SGCD: variants seen among roughly 807,000 people sequenced by gnomAD.
The protein encoded by SGCD is delta-sarcoglycan.
Under a neutral mutation model 36.6 loss-of-function variants are expected in SGCD, and 18 were observed. The observed-to-expected ratio is 0.49, with a 90% confidence interval of 0.34 to 0.73. The LOEUF (loss-of-function observed/expected upper bound fraction) is 0.73. SGCD is among the 30% of genes least tolerant of loss of function. The probability of loss-of-function intolerance (pLI) is 0.01; values close to 1 mark genes in which losing one functional copy is unlikely to be tolerated. For synonymous variants in SGCD, 133 were observed against 130.6 expected (o/e 1.02, Z -0.12); for missense variants, 387 against 346.7 (o/e 1.12, Z -0.92).
intron 1 of SGCD, among the ~76,000 whole-genome samples, chr5:155,876,064 T>C (rs1178206130): frequency 6.6e-6 from 1 of 151,870 alleles, no homozygotes; most frequent in East Asian, 1.9e-4. Flanking sequence ...TTTTTTTTAT[T>C]ATACTTTAAG....
chr5:155,849,444 G>GCA, the SGCD span, among the ~76,000 whole-genome samples: 1 of 136,604 alleles, frequency 7.3e-6, no homozygotes, highest in African/African-American at 2.5e-5. Flanking sequence ...ACATGTGCGC[G>GCA]CGCACACACA....
intron 3 of SGCD, among the ~76,000 whole-genome samples, chr5:156,300,480 G>A (rs1767025139): frequency 6.6e-6 from 1 of 151,952 alleles, no homozygotes; most frequent in Admixed American, 6.6e-5. Flanking sequence ...TGTCAGAGAA[G>A]ATATTATTTC....
intron 7 of SGCD, among the ~76,000 whole-genome samples, chr5:156,678,938 T>C (rs995526410): frequency 6.6e-6 from 1 of 152,190 alleles, no homozygotes; most frequent in African/African-American, 2.4e-5. Flanking sequence ...GGAATACCAA[T>C]GCCATGTTGG....
At chr5:156,330,851 A>G (rs1768037975) in intron 2 of SGCD, among the ~76,000 whole-genome samples, 1 of 152,184 alleles carries the variant, frequency 6.6e-6, no homozygotes, top group Non-Finnish European at 1.5e-5. Context: ...GCCTCAAACG[A>G]AGACTGGGGT....
intron 1 of SGCD, among the ~76,000 whole-genome samples, chr5:155,982,700 C>T (rs1014660920): frequency 5.3e-5 from 8 of 152,136 alleles, no homozygotes; most frequent in East Asian, 1.9e-4. Flanking sequence ...ACCTAATTAC[C>T]GCATGCCTGA....
chr5:155,889,237 G>A (rs1756071232), intron 1 of SGCD, among the ~76,000 whole-genome samples: 1 of 151,948 alleles, frequency 6.6e-6, no homozygotes, highest in Non-Finnish European at 1.5e-5. Flanking sequence ...CCCACGTAGA[G>A]GAAATTTAAG....
At chr5:156,609,782 C>A (rs1414337163) in intron 6 of SGCD, among the ~76,000 whole-genome samples, 1 of 152,188 alleles carries the variant, frequency 6.6e-6, no homozygotes, top group Non-Finnish European at 1.5e-5. Flanking sequence ...CTTCTCACTT[C>A]ATTTCATTCA....
At chr5:156,395,516 G>T (rs1771799615) in intron 3 of SGCD, among the ~76,000 whole-genome samples, 1 of 152,180 alleles carries the variant, frequency 6.6e-6, no homozygotes, top group Admixed American at 6.5e-5. Context: ...GTTTATTGTA[G>T]ATGGGGGAAT....
In SGCD at chr5:155,871,970, G is replaced by T. The variant is rs909252558; in HGVS notation, c.-282+1546G>T. Among the ~76,000 whole-genome samples, 3 of 152,338 alleles carry T rather than the reference G, an allele frequency of 2.0e-5. No individual in the cohort carries two copies. In the East Asian group the frequency reaches 5.8e-4, roughly 29 times the overall value. ...AAGAGGTAGAAAGTCCAGTTAGAATGGGACTGTTTGCCAAGGCAAGAAATA... is the reference window on the plus strand; with the variant it reads ...AAGAGGTAGAAAGTCCAGTTAGAATTGGACTGTTTGCCAAGGCAAGAAATA... On this transcript the variant is annotated intron_variant, in intron 1 of 9. Coordinates refer to the SGCD transcript ENST00000517913.
chr5:156,406,133 A>G (rs1293254956), intron 3 of SGCD, among the ~76,000 whole-genome samples: 1 of 152,068 alleles, frequency 6.6e-6, no homozygotes, highest in Non-Finnish European at 1.5e-5. Context: ...TGTTCAGACC[A>G]TGGTTGGCTT....
At position 155,886,529 on chromosome 5, in the gene SGCD, C is replaced by T. The variant is rs988359881; in HGVS notation, c.-282+16105C>T. Among the ~76,000 whole-genome samples the T allele has an allele frequency of 4.7e-5, 7 of 149,348 alleles. No individual in the cohort carries two copies. The East Asian group carries it at 7.8e-4, about 17-fold the overall frequency. On this transcript the variant is annotated intron_variant, in intron 1 of 9. Coordinates refer to the SGCD transcript ENST00000517913. ...GCGCGTGCGTGTGTGTGTGCGTGGGCGCGTGTGTGTGTGTGCATGCATGTG... is the reference window on the plus strand; with the variant it reads ...GCGCGTGCGTGTGTGTGTGCGTGGGTGCGTGTGTGTGTGTGCATGCATGTG...
rs1222920902 is a variant in SGCD at position 156,355,181 on chromosome 5, C to T, written c.192+10504C>T. ...CTAATGTCCTACTTCTTAGCTACAT[C>T]TTGGATGGCATGGTAAGGCCTGTGA... On this transcript the variant is annotated intron_variant, in intron 3 of 8. Coordinates refer to ENST00000337851, the MANE Select transcript of SGCD (RefSeq NM_000337.6). 7.9e-5 allele frequency among the ~76,000 whole-genome samples: 12 copies of T among 152,320 alleles called. No individual in the cohort carries two copies. The South Asian group carries it at 2.5e-3, about 32-fold the overall frequency.
At chr5:156,724,607 C>CAA (rs530808212) in intron 7 of SGCD, among the ~76,000 whole-genome samples, 1 of 125,848 alleles carries the variant, frequency 7.9e-6, no homozygotes, top group Non-Finnish European at 1.7e-5. Context: ...ACTCCATCTC[C>CAA]AAAAAAAAAA....
At chr5:156,501,739 G>C (rs894112244) in intron 3 of SGCD, among the ~76,000 whole-genome samples, 5 of 152,154 alleles carry the variant, frequency 3.3e-5, no homozygotes, top group African/African-American at 7.2e-5. Flanking sequence ...GTTGAGTACC[G>C]CACCCTGTAT....
chr5:156,477,244 T>C (rs933981518), intron 3 of SGCD, among the ~76,000 whole-genome samples: 3 of 152,154 alleles, frequency 2.0e-5, no homozygotes, highest in Non-Finnish European at 4.4e-5. Flanking sequence ...TATGTTTTTA[T>C]ATAATACTTT....
intron 1 of SGCD, among the ~76,000 whole-genome samples, chr5:155,887,597 A>G (rs926156720): frequency 6.6e-6 from 1 of 152,158 alleles, no homozygotes; most frequent in African/African-American, 2.4e-5. Flanking sequence ...TTGCCTCTGT[A>G]AACTGTGGAT....
intron 3 of SGCD, among the ~76,000 whole-genome samples, chr5:156,177,151 G>A (rs982385246): frequency 6.6e-6 from 1 of 151,988 alleles, no homozygotes; most frequent in African/African-American, 2.4e-5. Context: ...ACAGGTACAC[G>A]CCACCATGCC....
the SGCD span, among the ~76,000 whole-genome samples, chr5:155,780,394 G>A: frequency 2.0e-5 from 3 of 152,266 alleles, no homozygotes; most frequent in African/African-American, 7.2e-5. Flanking sequence ...GACATAGATG[G>A]TGTATTCTTT....
chr5:156,356,344 G>T (rs961767216), intron 3 of SGCD, among the ~76,000 whole-genome samples: 24 of 152,242 alleles, frequency 1.6e-4, no homozygotes, highest in African/African-American at 5.1e-4. Flanking sequence ...TACATGTGTG[G>T]GTGGTTGATG....
Sources: gnomAD v4.1 joint callset for allele counts (sites outside exome capture counted in the v4.1 genomes callset) on GRCh38, gnomAD v4.1.1 for gene constraint, MANE v1.5 for transcripts, NCBI Gene and HGNC (gene_info 2026-07-23, HGNC 2026-07-21) for gene names.